The following ARID2 variants were observed in gnomAD, a reference collection of about 807,000 sequenced individuals.
The protein encoded by ARID2 is AT-rich interaction domain 2, also known as AT-rich interactive domain-containing protein 2.
A neutral mutation model predicts 184.6 loss-of-function variants in ARID2; 32 were observed. The ratio of observed to expected loss-of-function variants is 0.17; its 90% CI spans 0.13 to 0.23. ARID2 has a LOEUF of 0.23. Ranked by LOEUF, ARID2 falls within the 10% of genes least tolerant of loss-of-function variation. The pLI, the probability that ARID2 is intolerant of heterozygous loss-of-function variation, is 1.00. For missense variants in ARID2, 1,696 were observed against 2,197.6 expected, an observed-to-expected ratio of 0.77 and a Z score of 4.56; for synonymous variants, 836 against 772.6, an observed-to-expected ratio of 1.08 and a Z score of -1.36.
At position 45,852,070 on chromosome 12, in the gene ARID2, C is replaced by G. The variant is rs1165922961; in HGVS notation, c.3947C>G (p.Thr1316Ser). 6.2e-7 allele frequency: 1 copy of G among 1,614,058 alleles called. No individual in the cohort carries two copies. Among genetic ancestry groups the G allele is most frequent in the East Asian group, 2.2e-5 (1 of 44,842 alleles). Residue 1316 changes from threonine to serine, a missense_variant, in exon 15 of 21, where the codon ACT (threonine) becomes AGT (serine). By Grantham distance (58) the Thr-to-Ser change is moderately conservative. Around this residue, in one of 11 missense-constraint regions of ARID2, gnomAD observed 428 missense variants for 409.1 expected, o/e 1.05. Coordinates refer to ENST00000334344, the MANE Select transcript of ARID2 (RefSeq NM_152641.4). ...PSNSGKIQSE[T>S]NQCSLISNGP... ...AACTCAGGGAAAATTCAAAGTGAGA[C>G]TAATCAGTGCTCACTAATCAGTAAT...
rs149036254 is a variant in ARID2, at chr12:45,838,776, T to C, written c.1331-553T>C. Among the ~76,000 whole-genome samples the C allele has an allele frequency of 1.4e-4, 21 of 151,390 alleles. No individual in the cohort carries two copies. The South Asian group carries it at 3.3e-3, about 24-fold the overall frequency. ...CAAGATCCTTTCTCAAAAAAAAATA[T>C]ATAGATAGATAGATAGATATAGATA... is the stretch of plus-strand genomic sequence containing the variant. On this transcript the variant is annotated intron_variant, in intron 10 of 20. Transcript: ENST00000334344.
intron 6 of ARID2, among the ~76,000 whole-genome samples, chr12:45,834,497 C>G (rs1427587938): frequency 6.6e-6 from 1 of 152,198 alleles, no homozygotes; most frequent in Non-Finnish European, 1.5e-5. Context: ...AATCCCAGCA[C>G]TTTGGGAGGC....
intron 11 of ARID2, among the ~76,000 whole-genome samples, chr12:45,844,717 A>G (rs549079750): frequency 2.5e-4 from 38 of 152,340 alleles, no homozygotes; most frequent in African/African-American, 8.9e-4. Flanking sequence ...TCTAATCCTT[A>G]TAGCAACATA....
chr12:45,790,468 AT>A (rs1391409576), intron 3 of ARID2, among the ~76,000 whole-genome samples: 1 of 152,104 alleles, frequency 6.6e-6, no homozygotes, highest in East Asian at 1.9e-4. Context: ...AAAATTTTAA[AT>A]TGTTTATGTG....
intron 6 of ARID2, among the ~76,000 whole-genome samples, chr12:45,822,272 TG>T (rs1322388233): frequency 2.0e-5 from 3 of 152,000 alleles, no homozygotes; most frequent in Admixed American, 1.3e-4. Flanking sequence ...GAGGCTGAGG[TG>T]GGAAAATCGC....
chr12:45,847,431 A>G (rs987301078), intron 12 of ARID2, among the ~76,000 whole-genome samples: 1 of 152,092 alleles, frequency 6.6e-6, no homozygotes, highest in African/African-American at 2.4e-5. Context: ...CAAATGATAG[A>G]ACAGAAATAA....
chr12:45,803,215 T>C (rs987367953), intron 3 of ARID2, among the ~76,000 whole-genome samples: 2 of 152,186 alleles, frequency 1.3e-5, no homozygotes. Flanking sequence ...CTCAGACATG[T>C]TAGAAACATC....
intron 2 of ARID2, 23 bp from the exon 3 acceptor site, chr12:45,731,194 C>T (rs758589055): frequency 6.5e-7 from 1 of 1,532,718 alleles, no homozygotes; most frequent in Non-Finnish European, 9.0e-7. Flanking sequence ...CACGTTCAGA[C>T]AACTGTGCCT....
intron 3 of ARID2, among the ~76,000 whole-genome samples, chr12:45,771,233 C>A (rs1941869349): frequency 6.6e-6 from 1 of 152,028 alleles, no homozygotes; most frequent in Non-Finnish European, 1.5e-5. Flanking sequence ...TGGCTCACGC[C>A]TGTGATCCCA....
rs73290786 is a variant in ARID2 at position 45,754,637 on chromosome 12, C to G, written c.284+23323C>G. Among the ~76,000 whole-genome samples, 851 of 152,310 alleles carry G rather than the reference C, an allele frequency of 5.6e-3. 6 individuals are homozygous for G. The highest frequency in any genetic ancestry group is 0.019 in the African/African-American group (809 of 41,568). ...TCTAAAAAGCCTTTTCTTATCTCAT[C>G]AAGCAGCTTGAAGTAGATCCTTCTT... On this transcript the variant is annotated intron_variant, in intron 3 of 20. Transcript: ENST00000334344.
Position 45,817,860 on chromosome 12 carries a change from A to T in ARID2, c.609A>T (p.Leu203=), listed in dbSNP as rs376103195. Residue 203 remains leucine, a synonymous_variant, in exon 5 of 21, where the codon CTA becomes CTT. Coordinates refer to ENST00000334344, the MANE Select transcript of ARID2 (RefSeq NM_152641.4). The stretch of plus-strand genomic sequence containing the variant: ...AAGATCCTAAAATCATCACTTTACT[A>T]CTTGCTAATGCCGGGGTGTTTGACG... ...LEKDPKIITL[L]LANAGVFDDT... is the part of the protein sequence containing the mutation. 6.2e-7 allele frequency: 1 copy of T among 1,612,924 alleles called. No individual in the cohort carries two copies. The highest frequency in any genetic ancestry group is 8.5e-7 in the Non-Finnish European group (1 of 1,179,542).
Position 45,817,830 on chromosome 12 carries a change from T to G in ARID2, c.579T>G (p.Leu193=). The G allele has an allele frequency of 6.2e-7, 1 of 1,613,328 alleles. No homozygotes were observed. Among genetic ancestry groups the G allele is most frequent in the Non-Finnish European group, 8.5e-7 (1 of 1,179,732 alleles). Residue 193 remains leucine, a synonymous_variant, in exon 5 of 21, where the codon CTT becomes CTG. Transcript: ENST00000334344. ...LSNESKHVMQ[L]EKDPKIITLL... is the part of the protein sequence containing the mutation. ...ATGAAAGCAAGCACGTCATGCAACT[T>G]GAAAAAGATCCTAAAATCATCACTT... is the stretch of plus-strand genomic sequence containing the variant.
intron 3 of ARID2, among the ~76,000 whole-genome samples, chr12:45,788,901 A>G (rs1205368865): frequency 6.6e-6 from 1 of 152,186 alleles, no homozygotes; most frequent in Admixed American, 6.5e-5. Flanking sequence ...GTTTAACCTA[A>G]TGTATAAAAA....
intron 3 of ARID2, among the ~76,000 whole-genome samples, chr12:45,770,475 A>G (rs941023566): frequency 2.0e-5 from 3 of 152,166 alleles, no homozygotes; most frequent in Admixed American, 6.5e-5. Flanking sequence ...GGGGTGTCCC[A>G]GCTCACCTGT....
At chr12:45,734,434 G>A (rs1396039349) in intron 3 of ARID2, among the ~76,000 whole-genome samples, 1 of 152,112 alleles carries the variant, frequency 6.6e-6, no homozygotes, top group Non-Finnish European at 1.5e-5. Context: ...TGATGTTTAT[G>A]CACTTTATTT....
intron 3 of ARID2, among the ~76,000 whole-genome samples, chr12:45,741,986 T>A (rs1306559703): frequency 6.6e-6 from 1 of 152,224 alleles, no homozygotes; most frequent in African/African-American, 2.4e-5. Flanking sequence ...CTTCTTCCAT[T>A]CCGTGTATCT....
chr12:45,773,085 G>T (rs1387233298), intron 3 of ARID2, among the ~76,000 whole-genome samples: 4 of 152,006 alleles, frequency 2.6e-5, no homozygotes, highest in Non-Finnish European at 4.4e-5. Context: ...AATGAAATGA[G>T]CAACCAACAG....
intron 3 of ARID2, among the ~76,000 whole-genome samples, chr12:45,797,963 C>G (rs1004689441): frequency 3.9e-5 from 6 of 151,958 alleles, no homozygotes; most frequent in Non-Finnish European, 8.8e-5. Flanking sequence ...GGGAAAGTCT[C>G]TACTATGAGG....
Position 45,849,996 on chromosome 12 carries a change from C to G in ARID2, c.1913-40C>G, listed in dbSNP as rs1189626421. ...ATAATTCCTACTTGGGATTTTCAGT[C>G]ATTTCATTTGGAATTTTGACGTTTT... On this transcript the variant is annotated intron_variant, in intron 14 of 20. Transcript: ENST00000334344. The G allele has an allele frequency of 3.9e-6, 6 of 1,547,266 alleles. No homozygotes were observed. The East Asian group carries it at 1.4e-4, about 35-fold the overall frequency.
Sources: gnomAD v4.1 joint callset for allele counts (sites outside exome capture counted in the v4.1 genomes callset) on GRCh38, gnomAD v4.1.1 for gene constraint, gnomAD v4.1.1 regional missense constraint, MANE v1.5 for transcripts, NCBI Gene and HGNC (gene_info 2026-07-23, HGNC 2026-07-21) for gene names.